The following CACNA1B variants were observed in gnomAD, a reference collection of about 807,000 sequenced individuals.
CACNA1B encodes calcium voltage-gated channel subunit alpha1 B, also known as voltage-dependent N-type calcium channel subunit alpha-1B.
A neutral mutation model predicts 247.2 loss-of-function variants in CACNA1B; 70 were observed. The ratio of observed to expected loss-of-function variants is 0.28; its 90% CI spans 0.23 to 0.35. The LOEUF (loss-of-function observed/expected upper bound fraction) is 0.35. Among genes scored for constraint, CACNA1B ranks in the 10% least tolerant of loss-of-function variants. The pLI is 1.00. For synonymous variants in CACNA1B, 1,231 were observed against 1,294.4 expected (o/e 0.95, Z 1.05); for missense variants, 2,367 against 3,197.4 (o/e 0.74, Z 6.26).
At chr9:138,034,163 A>G (rs7852253) in intron 20 of CACNA1B, among the ~76,000 whole-genome samples, 18,535 of 152,174 alleles carry the variant, frequency 0.12, 3,519 homozygotes, top group African/African-American at 0.41. Flanking sequence ...TATCACCTCC[A>G]GGTAGCAGTA....
intron 6 of CACNA1B, among the ~76,000 whole-genome samples, chr9:137,922,894 G>A (rs1957503362): frequency 6.6e-6 from 1 of 152,012 alleles, no homozygotes; most frequent in African/African-American, 2.4e-5. Flanking sequence ...TCCCTGCAGG[G>A]GTCCCTCCTG....
chr9:137,912,320 C>G (rs1346081148), intron 3 of CACNA1B, among the ~76,000 whole-genome samples: 3 of 152,126 alleles, frequency 2.0e-5, no homozygotes, highest in African/African-American at 7.2e-5. Context: ...GAAGGAGCCC[C>G]CAGGGAGTGG....
intron 12 of CACNA1B, among the ~76,000 whole-genome samples, chr9:137,983,818 G>GA (rs1345315488): frequency 3.4e-5 from 5 of 148,198 alleles, no homozygotes; most frequent in Non-Finnish European, 7.4e-5. Flanking sequence ...GGAGGTATTA[G>GA]ACCAGGTGGT....
intron 18 of CACNA1B, among the ~76,000 whole-genome samples, chr9:138,013,548 T>C (rs116677875): frequency 0.01 from 1,547 of 152,208 alleles, 24 homozygotes; most frequent in African/African-American, 0.036. Flanking sequence ...TGTGAATCAG[T>C]TGGGGGAGGG....
Position 138,115,618 on chromosome 9 carries a change from C to G in CACNA1B, c.5716C>G (p.Arg1906Gly). Residue 1906 changes from arginine to glycine, a missense_variant, in exon 42 of 47, where the codon CGA (arginine) becomes GGA (glycine). Physicochemically the swap from Arg to Gly is moderately radical, Grantham distance 125. This residue lies in a region of CACNA1B where 773 missense variants were observed against 779.4 expected (regional missense o/e 0.99). Coordinates refer to ENST00000371372, the MANE Select transcript of CACNA1B (RefSeq NM_000718.4). ...GGAGCAGACACAGCCGGCTGTGCTC[C>G]GAGGAGCCCGGGTTTTCCTTCGACA... The part of the protein sequence containing the change: ...TLEQTQPAVL[R>G]GARVFLRQKS... The G allele has an allele frequency of 2.5e-6, 4 of 1,613,716 alleles. No homozygotes were observed. The highest frequency in any genetic ancestry group is 3.4e-6 in the Non-Finnish European group (4 of 1,179,794).
chr9:137,879,888 T>A (rs1374323914), intron 2 of CACNA1B, among the ~76,000 whole-genome samples: 2 of 151,976 alleles, frequency 1.3e-5, no homozygotes, highest in Non-Finnish European at 2.9e-5. Context: ...TCAGAGCATG[T>A]CCCCCAGCCC....
Position 137,917,516 on chromosome 9 carries a change from T to C in CACNA1B, c.966+85T>C. The C allele has an allele frequency of 5.8e-6, 7 of 1,216,094 alleles. No individual in the cohort carries two copies. The highest frequency in any genetic ancestry group is 8.2e-6 in the Non-Finnish European group (7 of 850,382). The allele number at this position is 1,216,094 out of a possible 1,614,324, so 75.3% of individuals were successfully genotyped here. ...TCTGGGGGTCCATTTAGGGGGGCCC[T>C]TCTGACCTCAGAGCCTCTGCCCAGC... On this transcript the variant is annotated intron_variant, in intron 6 of 46. Transcript: ENST00000371372. This position sits in a 1 kb window ranked among gnomAD's most constrained non-coding sequence, Gnocchi z 5.5.
At chr9:138,048,895 T>C (rs1208764891) in intron 23 of CACNA1B, among the ~76,000 whole-genome samples, 1 of 152,214 alleles carries the variant, frequency 6.6e-6, no homozygotes, top group Non-Finnish European at 1.5e-5. Context: ...TTTTTGTATG[T>C]TTAGTAGAGA....
intron 18 of CACNA1B, among the ~76,000 whole-genome samples, chr9:138,013,739 G>A (rs1958755449): frequency 6.6e-6 from 1 of 152,226 alleles, no homozygotes; most frequent in African/African-American, 2.4e-5. Flanking sequence ...GTATTCCATA[G>A]AACCATATTT....
At chr9:137,929,778 A>G (rs1480412953) in intron 6 of CACNA1B, among the ~76,000 whole-genome samples, 1 of 151,878 alleles carries the variant, frequency 6.6e-6, no homozygotes, top group Non-Finnish European at 1.5e-5. Context: ...TCAGCTTGGG[A>G]GAGTAGCCAA....
chr9:138,023,099 G>A lies in CACNA1B; in HGVS notation c.2356G>A (p.Ala786Thr). ...GCAGAACCTGCGGGCCAGCTGCGAG[G>A]CGCTGTACAGCGAGATGGACCCCGA... is the stretch of plus-strand genomic sequence containing the variant. Reference protein sequence around the residue: ...RLQNLRASCEALYSEMDPEER... With the variant: ...RLQNLRASCETLYSEMDPEER... Residue 786 changes from alanine (A) to threonine (T), a missense_variant, in exon 19 of 47, where the codon GCG becomes ACG. Around this residue, in one of 12 missense-constraint regions of CACNA1B, gnomAD observed 631 missense variants for 631.1 expected, o/e 1.00. Transcript: ENST00000371372. 1 of 1,532,780 alleles carries A rather than the reference G, an allele frequency of 6.5e-7. No individual in the cohort carries two copies. The highest frequency in any genetic ancestry group is 8.7e-7 in the Non-Finnish European group (1 of 1,146,656). 94.9% of individuals were successfully genotyped at this position (1,532,780 alleles called of 1,614,324 possible). A position where few individuals can be genotyped will look rare whatever the true frequency, so the allele number is the denominator to read the frequency against.
Position 137,913,517 on chromosome 9 carries a change from T to A in CACNA1B, c.622+246T>A, listed in dbSNP as rs910666521. On this transcript the variant is annotated intron_variant, in intron 4 of 46. Transcript: ENST00000371372. The surrounding 1 kb of genome is among the most constrained non-coding windows in gnomAD (Gnocchi z 5.2). ...CTGGCTTCCCTAGATGGAAGCTTTG[T>A]TCCTCCTCACATACTCTGTCACATT... Among the ~76,000 whole-genome samples the A allele has an allele frequency of 6.6e-6, 1 of 152,220 alleles. No individual in the cohort carries two copies. Among genetic ancestry groups the A allele is most frequent in the Non-Finnish European group, 1.5e-5 (1 of 68,032 alleles).
chr9:137,947,485 A>C (rs1002645401), intron 6 of CACNA1B, among the ~76,000 whole-genome samples: 17 of 152,162 alleles, frequency 1.1e-4, no homozygotes, highest in Non-Finnish European at 2.1e-4. Context: ...TAATTTAAAA[A>C]ACTCAAAAGG....
In CACNA1B at chr9:137,986,554, C is replaced by T; in HGVS notation, c.1901+10C>T. ...AGCTGTTTGGGGGACAGTAAGTGGG[C>T]CCGGGAGGGAGAGCTCAAGGCTGGG... On this transcript the variant is annotated intron_variant, in intron 14 of 46. Coordinates refer to ENST00000371372, the MANE Select transcript of CACNA1B (RefSeq NM_000718.4). The surrounding 1 kb of genome is among the most constrained non-coding windows in gnomAD (Gnocchi z 6.0). The T allele has an allele frequency of 6.2e-7, 1 of 1,613,486 alleles. No individual in the cohort carries two copies. Among genetic ancestry groups the T allele is most frequent in the East Asian group, 2.2e-5 (1 of 44,852 alleles).
chr9:138,102,751 C>T lies in CACNA1B; in HGVS notation c.5263C>T (p.His1755Tyr). 3 of 1,613,062 alleles carry T rather than the reference C, an allele frequency of 1.9e-6. No individual in the cohort carries two copies. The highest frequency in any genetic ancestry group is 2.5e-6 in the Non-Finnish European group (3 of 1,179,340). ...SYNDMFEMLKHMSPPLGLGKK... is the reference protein window; with the variant it reads ...SYNDMFEMLKYMSPPLGLGKK... ...CAATGACATGTTTGAGATGCTGAAACACATGTCCCCGCCTCTGGGGCTGGG... is the reference window on the plus strand; with the variant it reads ...CAATGACATGTTTGAGATGCTGAAATACATGTCCCCGCCTCTGGGGCTGGG... Residue 1755 changes from histidine (H) to tyrosine (Y), a missense_variant, in exon 38 of 47, where the codon CAC becomes TAC. Physicochemically the swap from His to Tyr is moderately conservative, Grantham distance 83. This residue lies in a region of CACNA1B where 55 missense variants were observed against 107.8 expected (regional missense o/e 0.51). Transcript: ENST00000371372. This position sits in a 1 kb window ranked among gnomAD's most constrained non-coding sequence, Gnocchi z 5.4.
chr9:138,109,748 C>T (rs184888657), intron 39 of CACNA1B, among the ~76,000 whole-genome samples: 3 of 152,244 alleles, frequency 2.0e-5, no homozygotes, highest in South Asian at 2.1e-4. Context: ...TAGACAGAAA[C>T]GTAAAATCTA....
intron 6 of CACNA1B, among the ~76,000 whole-genome samples, chr9:137,936,974 G>C (rs949643374): frequency 3.9e-5 from 6 of 151,996 alleles, no homozygotes; most frequent in African/African-American, 1.2e-4. Flanking sequence ...CTCTTTTTTT[G>C]GTTCCATATG....
In CACNA1B at chr9:138,014,042, C is replaced by T. The variant is rs1191709251; in HGVS notation, c.2267+807C>T. Among the ~76,000 whole-genome samples the T allele has an allele frequency of 6.6e-6, 1 of 152,250 alleles. No homozygotes were observed. The highest frequency in any genetic ancestry group is 1.5e-5 in the Non-Finnish European group (1 of 68,048). ...GGGCCCCAGCTCTTCAGCCGGCCAC[C>T]CGCCCTGCCGTGAACACGGAACACA... On this transcript the variant is annotated intron_variant, in intron 18 of 46. Transcript: ENST00000371372. The surrounding 1 kb of genome is among the most constrained non-coding windows in gnomAD (Gnocchi z 6.2).
intron 20 of CACNA1B, among the ~76,000 whole-genome samples, chr9:138,032,406 A>C (rs989517165): frequency 1.3e-5 from 2 of 152,158 alleles, no homozygotes; most frequent in Admixed American, 1.3e-4. Context: ...TGTCACACAT[A>C]ATTTAGAAAA....
Sources: allele counts gnomAD v4.1 joint callset (sites outside exome capture counted in the v4.1 genomes callset), GRCh38; gene constraint gnomAD v4.1.1; regional missense constraint gnomAD v4.1.1; non-coding constraint Gnocchi (gnomAD v3.1); transcripts MANE v1.5; gene names NCBI Gene and HGNC (gene_info 2026-07-23, HGNC 2026-07-21).